ADAMTS3: variants seen among roughly 807,000 people sequenced by gnomAD.
ADAMTS3 encodes A disintegrin and metalloproteinase with thrombospondin motifs 3.
In ADAMTS3, 73 loss-of-function variants were observed where a neutral mutation model predicts 129.0. The observed-to-expected ratio is 0.57, with a 90% CI of 0.47 to 0.69. The LOEUF is 0.69. Ranked by LOEUF, ADAMTS3 falls within the 30% of genes least tolerant of loss-of-function variation. ADAMTS3 has a pLI of 0.00. For synonymous variants in ADAMTS3, 477 were observed against 510.8 expected (o/e 0.93, Z 0.89); for missense variants, 1,457 against 1,514.5 (o/e 0.96, Z 0.63).
chr4:72,512,480 A>G (rs1720342110), intron 3 of ADAMTS3, among the ~76,000 whole-genome samples: 1 of 152,238 alleles, frequency 6.6e-6, no homozygotes, highest in South Asian at 2.1e-4. Flanking sequence ...CAACAGAGCA[A>G]GACTCCGTCT....
Position 72,537,215 on chromosome 4 carries a change from T to C in ADAMTS3, c.504+11263A>G, listed in dbSNP as rs1721203231. On this transcript the variant is annotated intron_variant, in intron 3 of 21. Coordinates refer to ENST00000286657, the MANE Select transcript of ADAMTS3 (RefSeq NM_014243.3). Reference sequence around the variant, plus strand: ...TTCCTAGAGCAGCTTGCATAAAACCTGCAGGAGCAAATGTGGGCAAAAAGG... The same window carrying C: ...TTCCTAGAGCAGCTTGCATAAAACCCGCAGGAGCAAATGTGGGCAAAAAGG... 3.3e-5 allele frequency among the ~76,000 whole-genome samples: 5 copies of C among 152,212 alleles called. No individual in the cohort carries two copies. In the South Asian group the frequency reaches 1.0e-3, roughly 32 times the overall value.
chr4:72,445,278 G>T (rs1263537647), intron 3 of ADAMTS3, among the ~76,000 whole-genome samples: 1 of 151,684 alleles, frequency 6.6e-6, no homozygotes, highest in Non-Finnish European at 1.5e-5. Flanking sequence ...AAGAACACAT[G>T]AAATAAATAC....
intron 5 of ADAMTS3, among the ~76,000 whole-genome samples, chr4:72,334,802 A>G (rs1037395632): frequency 2.0e-5 from 3 of 152,222 alleles, no homozygotes; most frequent in Non-Finnish European, 4.4e-5. Context: ...AAGGCTTAAC[A>G]TATATGACAA....
At chr4:72,437,539 T>C (rs1717977174) in intron 3 of ADAMTS3, among the ~76,000 whole-genome samples, 1 of 151,766 alleles carries the variant, frequency 6.6e-6, no homozygotes, top group Admixed American at 6.6e-5. Flanking sequence ...TCTATCACAG[T>C]TCATCACTCT....
intron 3 of ADAMTS3, among the ~76,000 whole-genome samples, chr4:72,434,899 C>G (rs1305629558): frequency 6.6e-6 from 1 of 151,724 alleles, no homozygotes; most frequent in African/African-American, 2.4e-5. Context: ...CTGAGTGTGG[C>G]CTCTAGGAGA....
At chr4:72,335,601 A>G (rs1217775697) in intron 5 of ADAMTS3, among the ~76,000 whole-genome samples, 2 of 152,100 alleles carry the variant, frequency 1.3e-5, no homozygotes, top group Non-Finnish European at 2.9e-5. Context: ...GATTAGCTTT[A>G]CCACCTTATC....
intron 3 of ADAMTS3, among the ~76,000 whole-genome samples, chr4:72,528,736 GA>G (rs1465701983): frequency 4.6e-5 from 7 of 151,916 alleles, no homozygotes; most frequent in Non-Finnish European, 7.4e-5. Context: ...ACACAAAAGG[GA>G]AAACTGAAAA....
At chr4:72,404,005 G>A (rs959344288) in intron 4 of ADAMTS3, among the ~76,000 whole-genome samples, 1 of 152,042 alleles carries the variant, frequency 6.6e-6, no homozygotes, top group South Asian at 2.1e-4. Context: ...CTTGCATGAA[G>A]AATAAAAAAG....
At chr4:72,542,331 A>AT (rs1560559935) in intron 3 of ADAMTS3, among the ~76,000 whole-genome samples, 1 of 151,572 alleles carries the variant, frequency 6.6e-6, no homozygotes, top group Non-Finnish European at 1.5e-5. Flanking sequence ...CGCCCGGCTA[A>AT]TTTTTTGTAT....
intron 3 of ADAMTS3, among the ~76,000 whole-genome samples, chr4:72,432,675 A>G (rs1036284981): frequency 6.6e-6 from 1 of 151,956 alleles, no homozygotes; most frequent in Admixed American, 6.6e-5. Context: ...AGAACTTTGG[A>G]ACCGAAAATG....
intron 17 of ADAMTS3, among the ~76,000 whole-genome samples, chr4:72,302,383 C>T (rs572817168): frequency 5.3e-5 from 8 of 151,174 alleles, no homozygotes; most frequent in African/African-American, 1.7e-4. Context: ...TGGATAGGCT[C>T]AAGGACAGAT....
intron 4 of ADAMTS3, among the ~76,000 whole-genome samples, chr4:72,357,797 G>A (rs1046704065): frequency 6.6e-6 from 1 of 151,700 alleles, no homozygotes; most frequent in African/African-American, 2.4e-5. Context: ...TTTACTGTAG[G>A]AATACTATCG....
At chr4:72,316,706 A>ATAATAC (rs35837511) in intron 10 of ADAMTS3, among the ~76,000 whole-genome samples, 8 of 36,438 alleles carry the variant, frequency 2.2e-4, no homozygotes, top group Non-Finnish European at 2.2e-3. Context: ...AATAATAATA[A>ATAATAC]TAATAATAAT....
At position 72,548,612 on chromosome 4, in the gene ADAMTS3, T is replaced by C. The variant is rs1721528283; in HGVS notation, c.370A>G (p.Ile124Val). The C allele has an allele frequency of 5.6e-6, 9 of 1,614,022 alleles. No individual in the cohort carries two copies. The East Asian group carries it at 1.8e-4, about 32-fold the overall frequency. The change falls in exon 3 of 22, where the codon ATT becomes GTT. Residue 124 changes from isoleucine (I) to valine (V), a missense_variant. Ile to Val is a conservative substitution (Grantham distance 29). Coordinates refer to ENST00000286657, the MANE Select transcript of ADAMTS3 (RefSeq NM_014243.3). The part of the protein sequence containing the change: ...SLVPGNITDP[I>V]NNHQPGSATY... The stretch of plus-strand genomic sequence containing the variant: ...GCACTTCCTGGTTGATGGTTGTTAA[T>C]GGGATCGGTTATATTCCCAGGCACC...
chr4:72,517,912 C>T (rs1391230804), intron 3 of ADAMTS3, among the ~76,000 whole-genome samples: 2 of 150,916 alleles, frequency 1.3e-5, no homozygotes, highest in East Asian at 3.9e-4. Context: ...TTTTCTAGTT[C>T]TTTTAATTGT....
intron 4 of ADAMTS3, among the ~76,000 whole-genome samples, chr4:72,406,359 T>C (rs1298218187): frequency 6.6e-6 from 1 of 152,190 alleles, no homozygotes. Flanking sequence ...AGACATAAGA[T>C]GCATTCAACA....
At chr4:72,517,992 C>G (rs1003751642) in intron 3 of ADAMTS3, among the ~76,000 whole-genome samples, 1 of 151,716 alleles carries the variant, frequency 6.6e-6, no homozygotes, top group African/African-American at 2.4e-5. Flanking sequence ...AAATTTCCCT[C>G]TACACACTGC....
At chr4:72,457,662 T>A (rs1170360563) in intron 3 of ADAMTS3, among the ~76,000 whole-genome samples, 1 of 151,642 alleles carries the variant, frequency 6.6e-6, no homozygotes, top group East Asian at 1.9e-4. Context: ...TTCCATTTTA[T>A]CCTGAATTGT....
chr4:72,387,841 G>C (rs1294378409), intron 4 of ADAMTS3, among the ~76,000 whole-genome samples: 2 of 151,294 alleles, frequency 1.3e-5, no homozygotes, highest in African/African-American at 4.9e-5. Flanking sequence ...ATTTATTGTT[G>C]TTCCCCCAGT....
Sources: allele counts gnomAD v4.1 joint callset (sites outside exome capture counted in the v4.1 genomes callset), GRCh38; gene constraint gnomAD v4.1.1; transcripts MANE v1.5; gene names NCBI Gene and HGNC (gene_info 2026-07-23, HGNC 2026-07-21).